Variants in DSC3 observed in about 807,000 individuals in gnomAD.
DSC3 encodes the protein desmocollin-3.
Under a neutral mutation model 89.5 loss-of-function variants are expected in DSC3, and 97 were observed. The observed-to-expected ratio is 1.08, with a 90% CI of 0.92 to 1.28. The LOEUF is 1.28. Ranked by LOEUF, DSC3 falls within the 50% of genes most tolerant of loss-of-function variation. DSC3 has a pLI of 0.00. For synonymous variants in DSC3, 436 were observed against 384.1 expected (o/e 1.14, Z -1.58); for missense variants, 1,199 against 1,085.3 (o/e 1.10, Z -1.47).
Position 31,000,963 on chromosome 18 carries a change from T to C in DSC3, c.2235+655A>G, listed in dbSNP as rs1252461059. Among the ~76,000 whole-genome samples the C allele has an allele frequency of 2.6e-5, 4 of 151,346 alleles. No homozygotes were observed. The South Asian group carries it at 6.3e-4, about 24-fold the overall frequency. On this transcript the variant is annotated intron_variant, in intron 14 of 15. Coordinates refer to ENST00000360428, the MANE Select transcript of DSC3 (RefSeq NM_001941.5). ...CTTTTTGAGGTAAGAACATGCCTTG[T>C]AAGTACTTTTGTGTATATATATATA...
chr18:31,002,700 C>CAAAA (rs78660458), intron 13 of DSC3, among the ~76,000 whole-genome samples: 4 of 87,030 alleles, frequency 4.6e-5, no homozygotes, highest in Non-Finnish European at 7.4e-5. Context: ...AACTCTGCCT[C>CAAAA]AAAAAAAAAA....
chr18:31,039,302 T>C (rs893645585), intron 1 of DSC3, among the ~76,000 whole-genome samples: 1 of 152,190 alleles, frequency 6.6e-6, no homozygotes, highest in African/African-American at 2.4e-5. Flanking sequence ...AGGTGTTATC[T>C]GCAGTTGTTT....
At chr18:31,027,813 AT>A (rs1431716815) in intron 4 of DSC3, among the ~76,000 whole-genome samples, 1 of 152,112 alleles carries the variant, frequency 6.6e-6, no homozygotes, top group Admixed American at 6.6e-5. Context: ...CCTACGGACA[AT>A]TCTGAAAACT....
intron 5 of DSC3, 124 bp downstream of exon 5, chr18:31,025,636 C>T: frequency 9.6e-7 from 1 of 1,045,898 alleles, no homozygotes; most frequent in Admixed American, 1.9e-5. Context: ...CATTCTATTT[C>T]CCATTGACTC....
intron 2 of DSC3, among the ~76,000 whole-genome samples, chr18:31,031,868 A>G (rs1442986375): frequency 5.9e-5 from 9 of 152,198 alleles, no homozygotes; most frequent in Non-Finnish European, 1.3e-4. Flanking sequence ...ACATAAGGCA[A>G]ATGGATAAAT....
chr18:31,008,248 T>C (rs765873071), intron 10 of DSC3, 21 bp downstream of exon 10: 1 of 1,613,264 alleles, frequency 6.2e-7, no homozygotes, highest in South Asian at 1.1e-5. Context: ...TATTAGTATG[T>C]GGTTATAGAT....
At chr18:30,997,655 C>T (rs1984522199) in intron 14 of DSC3, among the ~76,000 whole-genome samples, 1 of 152,070 alleles carries the variant, frequency 6.6e-6, no homozygotes, top group Non-Finnish European at 1.5e-5. Flanking sequence ...TCGATGGCTC[C>T]AAGAAGATCT....
At chr18:31,041,671 G>A (rs1461101573) in intron 1 of DSC3, among the ~76,000 whole-genome samples, 3 of 152,198 alleles carry the variant, frequency 2.0e-5, no homozygotes, top group Non-Finnish European at 2.9e-5. Context: ...CTGAAGCTTC[G>A]CGTGTAACCG....
chr18:31,006,986 G>T lies in DSC3; in HGVS notation c.1809C>A (p.Val603=). 6.2e-7 allele frequency: 1 copy of T among 1,613,884 alleles called. No individual in the cohort carries two copies. Among genetic ancestry groups the T allele is most frequent in the African/African-American group, 1.3e-5 (1 of 75,008 alleles). Residue 603 remains valine, a synonymous_variant, in exon 12 of 16, where the codon GTC becomes GTA. Coordinates refer to ENST00000360428, the MANE Select transcript of DSC3 (RefSeq NM_001941.5). ...DILAVDPDEP[V]HGAPFYFSLP... is the part of the protein sequence containing the mutation. ...AACTGAAATAAAATGGAGCTCCATG[G>T]ACAGGTTCATCAGGATCAACAGCTA...
chr18:31,000,330 T>G (rs1984610601), intron 14 of DSC3, among the ~76,000 whole-genome samples: 1 of 152,202 alleles, frequency 6.6e-6, no homozygotes. Flanking sequence ...TATCTTAATA[T>G]AACAATTACC....
chr18:31,020,885 T>C (rs1985395682), intron 7 of DSC3, among the ~76,000 whole-genome samples: 1 of 152,120 alleles, frequency 6.6e-6, no homozygotes, highest in Non-Finnish European at 1.5e-5. Flanking sequence ...CAGGTTGCAG[T>C]GCACCATGTC....
intron 1 of DSC3, among the ~76,000 whole-genome samples, chr18:31,037,628 G>A (rs113792020): frequency 5.9e-5 from 9 of 152,152 alleles, no homozygotes; most frequent in African/African-American, 1.9e-4. Flanking sequence ...TTGGCCAGGC[G>A]CAGTGGCTCA....
At chr18:31,029,441 G>T in intron 4 of DSC3, 68 bp downstream of exon 4, 1 of 1,566,098 alleles carries the variant, frequency 6.4e-7, no homozygotes, top group South Asian at 1.1e-5. Context: ...GTTTAAAGAG[G>T]TATTAAATCT....
At chr18:31,039,830 G>A (rs1210012747) in intron 1 of DSC3, among the ~76,000 whole-genome samples, 1 of 152,156 alleles carries the variant, frequency 6.6e-6, no homozygotes, top group East Asian at 1.9e-4. Context: ...TTTTAATAAG[G>A]TAGCTGATAA....
At chr18:31,011,856 G>T (rs1045600857) in intron 9 of DSC3, among the ~76,000 whole-genome samples, 1 of 150,900 alleles carries the variant, frequency 6.6e-6, no homozygotes, top group Non-Finnish European at 1.5e-5. Flanking sequence ...AGCCGGGCAT[G>T]GAGGCATGCG....
At chr18:31,042,522 C>G in intron 1 of DSC3, 70 bp downstream of exon 1, 1 of 1,464,800 alleles carries the variant, frequency 6.8e-7, no homozygotes, top group South Asian at 1.2e-5. Context: ...TTGTCCCCAG[C>G]TCCGTGCAGC....
At chr18:31,021,056 G>GTT (rs11463125) in intron 7 of DSC3, among the ~76,000 whole-genome samples, 16 of 144,910 alleles carry the variant, frequency 1.1e-4, no homozygotes, top group East Asian at 6.0e-4. Context: ...TAAATTCACT[G>GTT]TTTTTTTTTT....
intron 1 of DSC3, among the ~76,000 whole-genome samples, chr18:31,037,535 A>G (rs1209782190): frequency 1.3e-5 from 2 of 152,254 alleles, no homozygotes; most frequent in Middle Eastern, 3.4e-3. Context: ...ATTAATTATG[A>G]GTCTTTTTCT....
At chr18:31,000,744 T>C (rs1034500544) in intron 14 of DSC3, among the ~76,000 whole-genome samples, 1 of 152,088 alleles carries the variant, frequency 6.6e-6, no homozygotes, top group African/African-American at 2.4e-5. Flanking sequence ...TTCAAACCCT[T>C]CTTATTCTTT....
Sources: gnomAD v4.1 joint callset for allele counts (sites outside exome capture counted in the v4.1 genomes callset) on GRCh38, gnomAD v4.1.1 for gene constraint, MANE v1.5 for transcripts, NCBI Gene and HGNC (gene_info 2026-07-23, HGNC 2026-07-21) for gene names.